RNPEP: variants seen among roughly 807,000 people sequenced by gnomAD.
RNPEP encodes the protein arginyl aminopeptidase.
In RNPEP, 57 loss-of-function variants were observed where a neutral mutation model predicts 70.1. The ratio of observed to expected loss-of-function variants is 0.81; its 90% CI spans 0.66 to 1.01. The LOEUF is 1.01. Ranked by LOEUF, RNPEP falls within the 50% of genes least tolerant of loss-of-function variation. RNPEP has a pLI of 0.00. For missense variants in RNPEP, 787 were observed against 852.4 expected, an observed-to-expected ratio of 0.92 and a Z score of 0.96; for synonymous variants, 335 against 357.4, an observed-to-expected ratio of 0.94 and a Z score of 0.71.
chr1:201,983,625 T>G (rs539540131), intron 1 of RNPEP: 2 of 1,228,294 alleles, frequency 1.6e-6, no homozygotes, highest in East Asian at 5.9e-5. Flanking sequence ...CGGTTAAAGC[T>G]CTTATCTTTG....
Position 202,005,920 on chromosome 1 carries a change from G to A in RNPEP, c.*204G>A. On this transcript the variant is annotated 3_prime_UTR_variant, in exon 11 of 11. Coordinates refer to ENST00000295640, the MANE Select transcript of RNPEP (RefSeq NM_020216.4). ...CTATAGCCCACTGAGCCCCGAGACA[G>A]AGAACCTGCCCACAGCTCTCCCCGC... is the stretch of plus-strand genomic sequence containing the variant. 1 of 607,036 alleles carries A rather than the reference G, an allele frequency of 1.6e-6. No homozygotes were observed. Among genetic ancestry groups the A allele is most frequent in the South Asian group, 2.2e-5 (1 of 45,674 alleles). The allele number at this position is 607,036 out of a possible 1,614,324, so 37.6% of individuals were successfully genotyped here.
At chr1:201,986,000 T>C (rs974723011) in intron 1 of RNPEP, among the ~76,000 whole-genome samples, 3 of 152,200 alleles carry the variant, frequency 2.0e-5, no homozygotes, top group African/African-American at 7.2e-5. Context: ...CAATCATGGC[T>C]CACTGCAGCC....
At chr1:201,998,753 TACTC>T (rs1683666015) in intron 5 of RNPEP, among the ~76,000 whole-genome samples, 1 of 152,196 alleles carries the variant, frequency 6.6e-6, no homozygotes, top group Non-Finnish European at 1.5e-5. Flanking sequence ...CTAAGCCACT[TACTC>T]AGAGTCAAAA....
At chr1:201,984,295 T>G (rs1188881912) in intron 1 of RNPEP, among the ~76,000 whole-genome samples, 4 of 152,010 alleles carry the variant, frequency 2.6e-5, no homozygotes, top group Non-Finnish European at 5.9e-5. Context: ...AAGAAGTACA[T>G]TGGTTGGGTC....
intron 1 of RNPEP, among the ~76,000 whole-genome samples, chr1:201,984,821 CTTTTTTTT>C (rs200795347): frequency 4.9e-5 from 6 of 122,038 alleles, no homozygotes; most frequent in South Asian, 2.5e-4. Flanking sequence ...GTATTTCTTT[CTTTTTTTT>C]TTTTTTTTTT....
At chr1:202,005,063 GC>G (rs996800940) in intron 10 of RNPEP, among the ~76,000 whole-genome samples, 2 of 152,220 alleles carry the variant, frequency 1.3e-5, no homozygotes, top group African/African-American at 4.8e-5. Context: ...GATATTCTGA[GC>G]CCTTTGATGG....
At chr1:201,989,350 A>G (rs1571625613) in intron 2 of RNPEP, 33 bp from the exon 3 acceptor site, 1 of 1,607,072 alleles carries the variant, frequency 6.2e-7, no homozygotes, top group East Asian at 2.2e-5. Flanking sequence ...AACTCTCTCC[A>G]GGTAAAATCT....
At chr1:201,983,935 TTTTA>T (rs1258306017) in intron 1 of RNPEP, 35 of 906,554 alleles carry the variant, frequency 3.9e-5, no homozygotes, top group South Asian at 9.8e-5. Context: ...CAGTTTAATC[TTTTA>T]TTTATTTATT....
chr1:201,993,798 C>CA (rs1171921166), intron 3 of RNPEP, among the ~76,000 whole-genome samples: 4 of 152,024 alleles, frequency 2.6e-5, no homozygotes, highest in African/African-American at 9.7e-5. Flanking sequence ...ACAAACAACT[C>CA]AAAAAACCCT....
rs74136707 is a variant in RNPEP at position 201,983,766 on chromosome 1, T to G, written c.447+653T>G. 9.9e-3 allele frequency: 10,931 copies of G among 1,104,532 alleles called. 811 individuals carry two copies. In the African/African-American group the frequency reaches 0.16, roughly 16 times the overall value. 68.4% of individuals were successfully genotyped at this position (1,104,532 alleles called of 1,614,324 possible). On this transcript the variant is annotated intron_variant, in intron 1 of 10. Transcript: ENST00000295640. ...TCACTGTTGGTTAACTCTTTAATTT[T>G]TTTTCGGGACGGGGCAAATATTGGA...
At chr1:201,996,293 C>A in intron 4 of RNPEP, 30 bp downstream of exon 4, 3 of 1,416,310 alleles carry the variant, frequency 2.1e-6, no homozygotes, top group Non-Finnish European at 3.0e-6. Context: ...CTAGTGTCTC[C>A]TGTTAAACTG....
chr1:201,997,104 C>A (rs1683581369), intron 4 of RNPEP, among the ~76,000 whole-genome samples: 1 of 152,102 alleles, frequency 6.6e-6, no homozygotes. Flanking sequence ...AGAGCAGACA[C>A]CACCTCGATG....
chr1:202,003,227 T>A lies in RNPEP; in HGVS notation c.1427-10T>A. On this transcript the variant is annotated splice_polypyrimidine_tract_variant and intron_variant, in intron 8 of 10. Transcript: ENST00000295640. ...AGAATTCTGATAGTGTCTTCTCTCCTCCCAAACAGGTTTTGAGTTTGATCG... is the reference window on the plus strand; with the variant it reads ...AGAATTCTGATAGTGTCTTCTCTCCACCCAAACAGGTTTTGAGTTTGATCG... The A allele has an allele frequency of 6.2e-7, 1 of 1,603,188 alleles. No homozygotes were observed. Among genetic ancestry groups the A allele is most frequent in the Non-Finnish European group, 8.5e-7 (1 of 1,172,250 alleles).
chr1:201,996,742 C>T (rs1292349341), intron 4 of RNPEP, among the ~76,000 whole-genome samples: 1 of 152,032 alleles, frequency 6.6e-6, no homozygotes, highest in Non-Finnish European at 1.5e-5. Context: ...GATCTGTCCA[C>T]CTTGGTCCCA....
At chr1:202,003,550 C>T in intron 9 of RNPEP, 89 bp downstream of exon 9, 1 of 931,290 alleles carries the variant, frequency 1.1e-6, no homozygotes, top group South Asian at 1.6e-5. Context: ...GTGATGCTTG[C>T]CCCTAGGGAA....
At chr1:201,989,856 T>A in intron 3 of RNPEP, among the ~76,000 whole-genome samples, 1 of 151,986 alleles carries the variant, frequency 6.6e-6, no homozygotes, top group East Asian at 1.9e-4. Flanking sequence ...TTTTTTTTTT[T>A]TGAGATGGAG....
Position 201,988,912 on chromosome 1 carries a change from G to A in RNPEP, c.456G>A (p.Trp152Ter). The A allele has an allele frequency of 6.2e-7, 1 of 1,610,890 alleles. No individual in the cohort carries two copies. The highest frequency in any genetic ancestry group is 1.8e-4 in the Middle Eastern group (1 of 5,606). ...YRVGEGPGVC[W>*]LAPEQTAGKK... is the part of the protein sequence containing the mutation. ...TTCTTCTTTTCGCTTAGGTTTGCTG[G>A]TTGGCTCCCGAGCAGACAGCAGGAA... Residue 152 changes from tryptophan (W) to a stop codon, truncating the protein, a stop_gained, in exon 2 of 11, where the codon TGG becomes TGA. Transcript: ENST00000295640. LOFTEE classifies it high-confidence loss of function.
rs1204735244 is a variant in RNPEP at position 202,003,036 on chromosome 1, G to A, written c.1427-201G>A. 20 of 557,910 alleles carry A rather than the reference G, an allele frequency of 3.6e-5. No homozygotes were observed. In the East Asian group the frequency reaches 5.7e-4, roughly 16 times the overall value. 34.6% of individuals were successfully genotyped at this position (557,910 alleles called of 1,614,324 possible). ...ATTTGGAGCGAAAAGCACTTTCACG[G>A]TCGAAACGGCACAGTCTCTAGATGT... On this transcript the variant is annotated intron_variant, in intron 8 of 10. Coordinates refer to ENST00000295640, the MANE Select transcript of RNPEP (RefSeq NM_020216.4).
At chr1:202,000,181 AC>A in intron 6 of RNPEP, 166 bp downstream of exon 6, 1 of 558,106 alleles carries the variant, frequency 1.8e-6, no homozygotes, top group Non-Finnish European at 3.2e-6. Flanking sequence ...GGCTGACTGA[AC>A]CCAAGCCATT....
Sources: allele counts gnomAD v4.1 joint callset (sites outside exome capture counted in the v4.1 genomes callset), GRCh38; gene constraint gnomAD v4.1.1; transcripts MANE v1.5; gene names NCBI Gene and HGNC (gene_info 2026-07-23, HGNC 2026-07-21).